Variants in EEFSEC observed in about 807,000 individuals in gnomAD.
EEFSEC encodes selenocysteine-specific elongation factor.
Under a neutral mutation model 42.1 loss-of-function variants are expected in EEFSEC, and 43 were observed. The ratio of observed to expected loss-of-function variants is 1.02; its 90% confidence interval spans 0.80 to 1.32. The LOEUF (loss-of-function observed/expected upper bound fraction) is 1.32, where lower values mean the gene tolerates loss of function less well. Among genes scored for constraint, EEFSEC ranks in the 40% most tolerant of loss-of-function variants. EEFSEC has a pLI of 0.00. For synonymous variants in EEFSEC, 354 were observed against 339.1 expected (o/e 1.04, Z -0.48); for missense variants, 745 against 803.6 (o/e 0.93, Z 0.88).
At chr3:128,185,912 A>G (rs1280272979) in intron 1 of EEFSEC, among the ~76,000 whole-genome samples, 3 of 152,200 alleles carry the variant, frequency 2.0e-5, no homozygotes, top group Non-Finnish European at 4.4e-5. Flanking sequence ...AGTCATGTAC[A>G]TGTTTTTGTG....
At chr3:128,261,822 C>G (rs1429054620) in intron 2 of EEFSEC, among the ~76,000 whole-genome samples, 1 of 152,134 alleles carries the variant, frequency 6.6e-6, no homozygotes, top group East Asian at 1.9e-4. Flanking sequence ...TATTCAGAAG[C>G]CTAGGGGCCA....
chr3:128,257,855 T>A (rs1316499067), intron 2 of EEFSEC, among the ~76,000 whole-genome samples: 1 of 152,156 alleles, frequency 6.6e-6, no homozygotes, highest in Non-Finnish European at 1.5e-5. Flanking sequence ...GCATGGAGGT[T>A]TGGCATGCTA....
intron 4 of EEFSEC, among the ~76,000 whole-genome samples, chr3:128,293,470 G>A (rs1322890964): frequency 5.3e-5 from 8 of 151,456 alleles, no homozygotes; most frequent in Admixed American, 3.3e-4. Context: ...GACCATCCTC[G>A]CTAACACAGT....
intron 1 of EEFSEC, among the ~76,000 whole-genome samples, chr3:128,155,302 A>T (rs1201043607): frequency 3.9e-5 from 6 of 152,036 alleles, no homozygotes; most frequent in African/African-American, 1.4e-4. Flanking sequence ...TTTAGTAGAC[A>T]TGGGGTTTCA....
intron 2 of EEFSEC, among the ~76,000 whole-genome samples, chr3:128,247,521 C>G (rs1393739524): frequency 6.6e-6 from 1 of 152,192 alleles, no homozygotes; most frequent in African/African-American, 2.4e-5. Context: ...TGGTAGATGA[C>G]TGGTTGTTTC....
chr3:128,242,505 A>C lies in EEFSEC; in HGVS notation c.317-4331A>C, dbSNP rs1576574596. On this transcript the variant is annotated intron_variant, in intron 1 of 6. Coordinates refer to ENST00000254730, the MANE Select transcript of EEFSEC (RefSeq NM_021937.5). ...GCCCATAGCTTTGACTTTTTTAAAAAAAAATCTGATTTTGAGGTTGCTAAA... is the reference window on the plus strand; with the variant it reads ...GCCCATAGCTTTGACTTTTTTAAAACAAAATCTGATTTTGAGGTTGCTAAA... 2.6e-5 allele frequency among the ~76,000 whole-genome samples: 4 copies of C among 152,264 alleles called. 1 individual carries two copies. In the South Asian group the frequency reaches 8.3e-4, roughly 32 times the overall value.
At chr3:128,265,276 A>G (rs1559893204) in intron 4 of EEFSEC, among the ~76,000 whole-genome samples, 1 of 152,290 alleles carries the variant, frequency 6.6e-6, no homozygotes, top group East Asian at 1.9e-4. Context: ...AATCTGGAAG[A>G]AATCCAGGTT....
At chr3:128,419,394 A>G in the EEFSEC span, among the ~76,000 whole-genome samples, 1 of 152,252 alleles carries the variant, frequency 6.6e-6, no homozygotes, top group Non-Finnish European at 1.5e-5. Context: ...ACAGGTGAAA[A>G]AAGTTGCAAA....
At chr3:128,342,745 G>T (rs2067269833) in intron 5 of EEFSEC, among the ~76,000 whole-genome samples, 1 of 152,220 alleles carries the variant, frequency 6.6e-6, no homozygotes, top group Non-Finnish European at 1.5e-5. Context: ...TCAGCACCTG[G>T]GCCCAGTGCT....
intron 1 of EEFSEC, among the ~76,000 whole-genome samples, chr3:128,161,633 C>G (rs1399882543): frequency 6.6e-6 from 1 of 152,356 alleles, no homozygotes; most frequent in East Asian, 1.9e-4. Context: ...TTTGTCTCTG[C>G]AGCCTGGAGA....
intron 4 of EEFSEC, among the ~76,000 whole-genome samples, chr3:128,323,311 C>A (rs1457131317): frequency 6.6e-6 from 1 of 152,202 alleles, no homozygotes; most frequent in Non-Finnish European, 1.5e-5. Context: ...TTGAGTCCAT[C>A]TGGTTACCCA....
downstream of EEFSEC, among the ~76,000 whole-genome samples, chr3:128,411,203 T>G (rs998767121): frequency 1.3e-5 from 2 of 152,204 alleles, no homozygotes; most frequent in Admixed American, 6.5e-5. Flanking sequence ...GGTGTGGGCA[T>G]GCACGTCCCC....
intron 1 of EEFSEC, among the ~76,000 whole-genome samples, chr3:128,168,319 T>C (rs1038259624): frequency 1.6e-4 from 25 of 151,990 alleles, no homozygotes; most frequent in African/African-American, 5.6e-4. Context: ...CAAAAAGAGG[T>C]CACTGTCTCT....
At chr3:128,217,644 A>T (rs1576552841) in intron 1 of EEFSEC, among the ~76,000 whole-genome samples, 2 of 152,264 alleles carry the variant, frequency 1.3e-5, no homozygotes, top group Admixed American at 1.3e-4. Flanking sequence ...GACATGTTTG[A>T]ATTAAAGGAA....
chr3:128,178,081 A>G (rs1159159993), intron 1 of EEFSEC, among the ~76,000 whole-genome samples: 3 of 152,354 alleles, frequency 2.0e-5, no homozygotes, highest in Middle Eastern at 3.4e-3. Context: ...AAAATAATGT[A>G]CCATAATAAA....
intron 4 of EEFSEC, among the ~76,000 whole-genome samples, chr3:128,311,516 A>G (rs763143606): frequency 6.6e-6 from 1 of 152,260 alleles, no homozygotes; most frequent in Non-Finnish European, 1.5e-5. Flanking sequence ...TTCAGGGCAC[A>G]GCTCCAAACT....
At chr3:128,407,307 C>T (rs780829822) in intron 6 of EEFSEC, among the ~76,000 whole-genome samples, 2 of 152,162 alleles carry the variant, frequency 1.3e-5, no homozygotes, top group Admixed American at 1.3e-4. Context: ...AGCCTGGGGG[C>T]GGGGCTGCGT....
At position 128,369,473 on chromosome 3, in the gene EEFSEC, C is replaced by CA. The variant is rs568673003; in HGVS notation, c.1600+11101dup. Among the ~76,000 whole-genome samples, 123 of 152,320 alleles carry CA rather than the reference C, an allele frequency of 8.1e-4. 1 individual carries two copies. The South Asian group carries it at 0.012, about 15-fold the overall frequency. On this transcript the variant is annotated intron_variant, in intron 6 of 6. Transcript: ENST00000254730. ...CCTGTCCTTGGGATTTCATTAGCACCACCAGCCAGCTGCCTGGAAAGTAGC... is the reference window on the plus strand; with the variant it reads ...CCTGTCCTTGGGATTTCATTAGCACCAACCAGCCAGCTGCCTGGAAAGTAGC...
the EEFSEC span, among the ~76,000 whole-genome samples, chr3:128,420,556 G>C: frequency 6.6e-6 from 1 of 152,210 alleles, no homozygotes; most frequent in African/African-American, 2.4e-5. Context: ...GACTGAGAGA[G>C]GCCAGGCCCA....
Sources: allele counts gnomAD v4.1 joint callset (sites outside exome capture counted in the v4.1 genomes callset), GRCh38; gene constraint gnomAD v4.1.1; transcripts MANE v1.5; gene names NCBI Gene and HGNC (gene_info 2026-07-23, HGNC 2026-07-21).